The following PLEKHA7 variants were observed in gnomAD, a reference collection of about 807,000 sequenced individuals.
The protein encoded by PLEKHA7 is pleckstrin homology domain-containing family A member 7.
A neutral mutation model predicts 170.0 loss-of-function variants in PLEKHA7; 104 were observed. That is an observed-to-expected ratio of 0.61 (90% CI 0.52 to 0.72). PLEKHA7 has a LOEUF of 0.72. Ranked by LOEUF, PLEKHA7 falls within the 30% of genes least tolerant of loss-of-function variation. The pLI, the probability that PLEKHA7 is intolerant of heterozygous loss-of-function variation, is 0.00. For synonymous variants in PLEKHA7, 648 were observed against 660.8 expected (o/e 0.98, Z 0.30); for missense variants, 1,615 against 1,671.7 (o/e 0.97, Z 0.59).
At chr11:16,869,884 AC>A (rs1854690418) in intron 4 of PLEKHA7, among the ~76,000 whole-genome samples, 1 of 152,256 alleles carries the variant, frequency 6.6e-6, no homozygotes, top group African/African-American at 2.4e-5. Context: ...ATGTAACTAA[AC>A]AGAGGAAAAA....
chr11:16,873,903 G>C (rs567037600), intron 3 of PLEKHA7, among the ~76,000 whole-genome samples: 1 of 152,248 alleles, frequency 6.6e-6, no homozygotes, highest in Admixed American at 6.5e-5. Flanking sequence ...CTGACCTCAG[G>C]TGATCCGCCC....
intron 3 of PLEKHA7, among the ~76,000 whole-genome samples, chr11:16,910,234 T>C (rs761051420): frequency 6.6e-6 from 1 of 152,212 alleles, no homozygotes; most frequent in Admixed American, 6.5e-5. Context: ...ACAACAAACA[T>C]TTCTTTCTAT....
chr11:16,955,811 A>G (rs1226998861), intron 3 of PLEKHA7, among the ~76,000 whole-genome samples: 1 of 152,122 alleles, frequency 6.6e-6, no homozygotes. Flanking sequence ...GCTTAGTAAA[A>G]CCACCGAAGG....
rs1858604776 is a variant in PLEKHA7, at chr11:16,915,677, A to G, written c.222-44495T>C. Among the ~76,000 whole-genome samples the G allele has an allele frequency of 2.0e-5, 3 of 151,498 alleles. No individual in the cohort carries two copies. The South Asian group carries it at 6.3e-4, about 32-fold the overall frequency. ...GATTTCCAATTTCATCCATGTCCCT[A>G]CAAAGGACATGAACTCATCATTTTT... On this transcript the variant is annotated intron_variant, in intron 3 of 26. Transcript: ENST00000531066.
chr11:16,879,824 A>AG (rs549138869), intron 3 of PLEKHA7, among the ~76,000 whole-genome samples: 3 of 152,318 alleles, frequency 2.0e-5, no homozygotes, highest in Non-Finnish European at 4.4e-5. Flanking sequence ...GGTTCTCTTA[A>AG]GTTCTCCAGA....
In PLEKHA7 at chr11:16,967,539, T is replaced by C. The variant is rs976864852; in HGVS notation, c.221+46450A>G. 2.6e-5 allele frequency among the ~76,000 whole-genome samples: 4 copies of C among 152,202 alleles called. No individual in the cohort carries two copies. In the East Asian group the frequency reaches 5.8e-4, roughly 22 times the overall value. On this transcript the variant is annotated intron_variant, in intron 3 of 26. Transcript: ENST00000531066. ...CTGCTTAATGCCATGAGGCCCTCCATTCTTGGGGCCCACCCCTCACAAGGC... is the reference window on the plus strand; with the variant it reads ...CTGCTTAATGCCATGAGGCCCTCCACTCTTGGGGCCCACCCCTCACAAGGC...
chr11:16,786,472 T>G (rs1204865634), intron 23 of PLEKHA7, 85 bp from the exon 24 acceptor site: 2 of 1,519,226 alleles, frequency 1.3e-6, no homozygotes, highest in Non-Finnish European at 1.8e-6. Context: ...TGGGGTCCTT[T>G]GGAAGATGAA....
At chr11:17,003,629 G>A (rs1003110442) in intron 3 of PLEKHA7, among the ~76,000 whole-genome samples, 1 of 152,188 alleles carries the variant, frequency 6.6e-6, no homozygotes, top group Non-Finnish European at 1.5e-5. Context: ...ACCTGCCAAG[G>A]TCAGGGAGCT....
At chr11:17,012,719 A>G (rs144278069) in intron 3 of PLEKHA7, among the ~76,000 whole-genome samples, 133 of 152,330 alleles carry the variant, frequency 8.7e-4, no homozygotes, top group African/African-American at 3.1e-3. Flanking sequence ...CGTGTGGCAC[A>G]CAGGAAAATT....
chr11:16,886,407 G>T (rs945736975), intron 3 of PLEKHA7, among the ~76,000 whole-genome samples: 3 of 152,204 alleles, frequency 2.0e-5, no homozygotes, highest in Non-Finnish European at 4.4e-5. Flanking sequence ...GTATTCAAAA[G>T]AAATCTTAAA....
chr11:16,841,446 T>C (rs1851948826), intron 9 of PLEKHA7, 101 bp downstream of exon 9: 3 of 1,326,002 alleles, frequency 2.3e-6, no homozygotes, highest in African/African-American at 3.0e-5. Flanking sequence ...CAATGCTTAA[T>C]ACAAGTGAGT....
intron 13 of PLEKHA7, chr11:16,807,086 C>T: frequency 1.2e-6 from 1 of 840,620 alleles, no homozygotes; most frequent in Non-Finnish European, 1.4e-6. Flanking sequence ...ATGAAGTCGG[C>T]ACCGAGCCAG....
At chr11:16,902,344 C>T (rs944487317) in intron 3 of PLEKHA7, among the ~76,000 whole-genome samples, 10 of 152,196 alleles carry the variant, frequency 6.6e-5, no homozygotes, top group African/African-American at 1.9e-4. Context: ...TTTCACTTCT[C>T]TTGGGTATAT....
intron 3 of PLEKHA7, among the ~76,000 whole-genome samples, chr11:16,922,972 G>A (rs1859207645): frequency 6.6e-6 from 1 of 152,138 alleles, no homozygotes; most frequent in South Asian, 2.1e-4. Context: ...GAATTTCCAA[G>A]CTAGCCCTAC....
chr11:16,929,729 G>A (rs1236884016), intron 3 of PLEKHA7, among the ~76,000 whole-genome samples: 1 of 152,192 alleles, frequency 6.6e-6, no homozygotes, highest in African/African-American at 2.4e-5. Flanking sequence ...CTGGGGCTGG[G>A]CGTGGTGGCT....
chr11:16,821,969 T>C (rs1850251622), intron 10 of PLEKHA7, among the ~76,000 whole-genome samples: 1 of 150,476 alleles, frequency 6.6e-6, no homozygotes, highest in East Asian at 1.9e-4. Flanking sequence ...ACCTGATGTC[T>C]CCCTTCCCCT....
intron 4 of PLEKHA7, among the ~76,000 whole-genome samples, chr11:16,866,784 T>C (rs963626925): frequency 6.6e-6 from 1 of 152,172 alleles, no homozygotes; most frequent in Non-Finnish European, 1.5e-5. Flanking sequence ...GCTCATGTCC[T>C]CTGGCCCCAT....
rs2134416867 is a variant in PLEKHA7 at position 16,802,992 on chromosome 11, G to A, written c.2137C>T (p.Arg713Ter). Residue 713 changes from arginine (R) to a stop codon, truncating the protein, a stop_gained, in exon 15 of 27, where the codon CGA (arginine) becomes TGA (stop). Coordinates refer to ENST00000531066, the MANE Select transcript of PLEKHA7 (RefSeq NM_001329630.2). LOFTEE classifies it high-confidence loss of function. ...RVLQDLEDKIRALKENKDQLE... is the reference protein window; with the variant it reads ...RVLQDLEDKI Reference sequence around the variant, plus strand: ...CGTACTTTGTTCTCTTTAAGGGCTCGTATCTTGTCTTCCAAGTCCTGGAGG... The same window carrying A: ...CGTACTTTGTTCTCTTTAAGGGCTCATATCTTGTCTTCCAAGTCCTGGAGG... 4 of 1,613,518 alleles carry A rather than the reference G, an allele frequency of 2.5e-6. No individual in the cohort carries two copies. Among genetic ancestry groups the A allele is most frequent in the Non-Finnish European group, 2.5e-6 (3 of 1,179,776 alleles).
chr11:16,901,977 T>A (rs1857369699), intron 3 of PLEKHA7, among the ~76,000 whole-genome samples: 1 of 152,186 alleles, frequency 6.6e-6, no homozygotes, highest in Non-Finnish European at 1.5e-5. Context: ...TAAATGGAAG[T>A]CCCATACTCT....
Sources: gnomAD v4.1 joint callset for allele counts (sites outside exome capture counted in the v4.1 genomes callset) on GRCh38, gnomAD v4.1.1 for gene constraint, MANE v1.5 for transcripts, NCBI Gene and HGNC (gene_info 2026-07-23, HGNC 2026-07-21) for gene names.